The following LRMDA variants were observed in gnomAD, a reference collection of about 807,000 sequenced individuals.
The protein encoded by LRMDA is leucine rich melanocyte differentiation associated.
Under a neutral mutation model 29.8 loss-of-function variants are expected in LRMDA, and 18 were observed. That is an observed-to-expected ratio of 0.60 (90% CI 0.42 to 0.90). The LOEUF is 0.90. Ranked by LOEUF, LRMDA falls within the 40% of genes least tolerant of loss-of-function variation. The pLI is 0.00. For missense variants in LRMDA, 273 were observed against 273.9 expected (o/e 1.00, Z 0.02); for synonymous variants, 125 against 109.4 (o/e 1.14, Z -0.89).
At chr10:75,544,036 A>G (rs1015553140) in intron 2 of LRMDA, among the ~76,000 whole-genome samples, 1 of 152,148 alleles carries the variant, frequency 6.6e-6, no homozygotes, top group Admixed American at 6.5e-5. Flanking sequence ...ACCAACTTCA[A>G]AGGAGTGCCA....
intron 2 of LRMDA, among the ~76,000 whole-genome samples, chr10:75,833,666 A>G (rs1444129074): frequency 6.6e-6 from 1 of 152,226 alleles, no homozygotes; most frequent in Non-Finnish European, 1.5e-5. Flanking sequence ...AGCTAAAAAT[A>G]ACAAATCTCA....
chr10:76,193,064 G>T (rs1202114488), intron 5 of LRMDA, among the ~76,000 whole-genome samples: 1 of 152,108 alleles, frequency 6.6e-6, no homozygotes, highest in Non-Finnish European at 1.5e-5. Flanking sequence ...TTGGAGAGTG[G>T]TCATCGCTGG....
At chr10:75,458,404 T>G (rs1207030006) in intron 2 of LRMDA, among the ~76,000 whole-genome samples, 1 of 152,174 alleles carries the variant, frequency 6.6e-6, no homozygotes, top group Non-Finnish European at 1.5e-5. Context: ...ATGGCCAGGT[T>G]TCCCTTGGGC....
intron 6 of LRMDA, among the ~76,000 whole-genome samples, chr10:76,354,931 C>T (rs1380597054): frequency 1.3e-5 from 2 of 152,078 alleles, no homozygotes; most frequent in African/African-American, 2.4e-5. Flanking sequence ...TGTTTGTGCC[C>T]GTAACCAGCC....
intron 5 of LRMDA, among the ~76,000 whole-genome samples, chr10:76,249,752 GTTTAA>G (rs1852439736): frequency 6.6e-6 from 1 of 152,124 alleles, no homozygotes; most frequent in Non-Finnish European, 1.5e-5. Flanking sequence ...GAATGGTTCT[GTTTAA>G]TTTATTTGCC....
intron 5 of LRMDA, 131 bp downstream of exon 5, chr10:76,058,914 G>T: frequency 1.4e-6 from 1 of 720,774 alleles, no homozygotes; most frequent in Non-Finnish European, 2.4e-6. Flanking sequence ...TCCTTCCATG[G>T]ATACATTGTT....
chr10:75,806,993 A>G (rs550896414), intron 2 of LRMDA, among the ~76,000 whole-genome samples: 79 of 152,158 alleles, frequency 5.2e-4, no homozygotes, highest in Non-Finnish European at 9.6e-4. Context: ...GGGTAGCATA[A>G]GAATTGCTCT....
At chr10:75,462,021 G>C (rs1394767287) in intron 2 of LRMDA, among the ~76,000 whole-genome samples, 4 of 152,246 alleles carry the variant, frequency 2.6e-5, no homozygotes, top group African/African-American at 9.6e-5. Context: ...GACAAATCAA[G>C]TACGCTAACT....
At chr10:76,177,136 A>G (rs1056258333) in intron 5 of LRMDA, among the ~76,000 whole-genome samples, 17 of 152,214 alleles carry the variant, frequency 1.1e-4, no homozygotes, top group African/African-American at 3.6e-4. Flanking sequence ...GAGACTTCAC[A>G]GCCATGCAGT....
At chr10:75,825,357 G>A (rs1844230859) in intron 2 of LRMDA, among the ~76,000 whole-genome samples, 1 of 152,214 alleles carries the variant, frequency 6.6e-6, no homozygotes, top group African/African-American at 2.4e-5. Context: ...TGGAGTTACA[G>A]TATTCAGAAT....
rs116470437 is a variant in LRMDA, at chr10:76,341,525, C to T, written c.601+17040C>T. ...ACACTCATTGTTATTCCAGTTAGTA[C>T]GGCTGTGTAACAAATTACCCTCAAA... On this transcript the variant is annotated intron_variant, in intron 6 of 6. Coordinates refer to ENST00000611255, the MANE Select transcript of LRMDA (RefSeq NM_001305581.2). Among the ~76,000 whole-genome samples, 254 of 152,190 alleles carry T rather than the reference C, an allele frequency of 1.7e-3. 3 individuals are homozygous for T. Among genetic ancestry groups the T allele is most frequent in the African/African-American group, 5.4e-3 (224 of 41,512 alleles).
chr10:75,915,616 T>C (rs9415130), intron 2 of LRMDA, among the ~76,000 whole-genome samples: 97,615 of 152,062 alleles, frequency 0.64, 34,126 homozygotes, highest in East Asian at 0.9. Context: ...CAGATCACAG[T>C]TTGTAGGACG....
chr10:75,812,113 T>A (rs925487299), intron 2 of LRMDA, among the ~76,000 whole-genome samples: 4 of 76,194 alleles, frequency 5.2e-5, no homozygotes, highest in Non-Finnish European at 7.4e-5. Flanking sequence ...TTGTGATTTT[T>A]TTTTTTTTTT....
At chr10:76,310,090 C>T (rs1840611039) in intron 5 of LRMDA, among the ~76,000 whole-genome samples, 2 of 152,142 alleles carry the variant, frequency 1.3e-5, no homozygotes, top group African/African-American at 4.8e-5. Flanking sequence ...ATGGGAGAAA[C>T]ATGGATAAAA....
chr10:75,635,806 A>T (rs375816205), intron 2 of LRMDA, among the ~76,000 whole-genome samples: 1,591 of 150,292 alleles, frequency 0.011, 29 homozygotes, highest in African/African-American at 0.034. Flanking sequence ...TTTTTTTTTT[A>T]AAACGATTGG....
At chr10:76,040,760 C>T (rs1848326960) in intron 3 of LRMDA, among the ~76,000 whole-genome samples, 3 of 152,200 alleles carry the variant, frequency 2.0e-5, no homozygotes, top group South Asian at 4.1e-4. Context: ...ATGATTCTCC[C>T]CCACTTTCCT....
At chr10:76,394,857 C>G (rs1285987751) in intron 6 of LRMDA, among the ~76,000 whole-genome samples, 1 of 152,164 alleles carries the variant, frequency 6.6e-6, no homozygotes, top group African/African-American at 2.4e-5. Context: ...AGGGTTTAAT[C>G]TTCCAAAGGG....
At chr10:75,463,002 T>C (rs1388561057) in intron 2 of LRMDA, among the ~76,000 whole-genome samples, 2 of 152,116 alleles carry the variant, frequency 1.3e-5, no homozygotes, top group African/African-American at 2.4e-5. Context: ...GAGCTCCTGG[T>C]GGGTTTAGAT....
At chr10:76,278,421 C>G (rs1236045775) in intron 5 of LRMDA, among the ~76,000 whole-genome samples, 1 of 152,176 alleles carries the variant, frequency 6.6e-6, no homozygotes, top group African/African-American at 2.4e-5. Context: ...GCATGTAAAA[C>G]TGTGATATTA....
Sources: allele counts gnomAD v4.1 joint callset (sites outside exome capture counted in the v4.1 genomes callset), GRCh38; gene constraint gnomAD v4.1.1; transcripts MANE v1.5; gene names NCBI Gene and HGNC (gene_info 2026-07-23, HGNC 2026-07-21).